SI: variants seen among roughly 807,000 people sequenced by gnomAD.
SI encodes the protein sucrase-isomaltase, intestinal.
A neutral mutation model predicts 253.3 loss-of-function variants in SI; 235 were observed. The observed-to-expected ratio is 0.93, with a 90% CI of 0.83 to 1.03. The LOEUF is 1.03. Among genes scored for constraint, SI ranks in the 50% least tolerant of loss-of-function variants. The pLI is 0.00. For synonymous variants in SI, 819 were observed against 712.0 expected (o/e 1.15, Z -2.39); for missense variants, 2,442 against 2,211.1 (o/e 1.10, Z -2.09).
At position 165,063,502 on chromosome 3, in the gene SI, A is replaced by C; in HGVS notation, c.847T>G (p.Cys283Gly). Residue 283 changes from cysteine to glycine, a missense_variant, in exon 8 of 48, where the codon TGT becomes GGT. Cys to Gly is a radical substitution (Grantham distance 159, BLOSUM62 -3). Transcript: ENST00000264382. ...NLYGHQTFFM[C>G]IEDTSGKSFG... ...GACTTTCCAGATGTATCTTCAATAC[A>C]CATAAAGAATGTTTGATGGCCGTAT... is the stretch of plus-strand genomic sequence containing the variant. The C allele has an allele frequency of 6.4e-7, 1 of 1,562,642 alleles. No homozygotes were observed. Among genetic ancestry groups the C allele is most frequent in the Non-Finnish European group, 8.8e-7 (1 of 1,139,510 alleles).
chr3:164,992,381 G>A lies in SI; in HGVS notation c.4858C>T (p.Pro1620Ser), dbSNP rs372177010. 6.2e-7 allele frequency: 1 copy of A among 1,610,456 alleles called. No individual in the cohort carries two copies. The highest frequency in any genetic ancestry group is 1.7e-5 in the Admixed American group (1 of 59,588). The change falls in exon 42 of 48, where the codon CCA (proline) becomes TCA (serine). Residue 1620 changes from proline (P) to serine (S), a missense_variant. Transcript: ENST00000264382. Reference protein sequence around the residue: ...PLLHEFFDEKPTWDIFKQFLW... With the variant: ...PLLHEFFDEKSTWDIFKQFLW... ...AACTGCTTGAATATATCCCAGGTTG[G>A]TTTTTCATCAAAGAACCTCGACAAA...
chr3:164,995,492 CAT>C (rs1308377751), intron 40 of SI, among the ~76,000 whole-genome samples: 2 of 151,874 alleles, frequency 1.3e-5, no homozygotes, highest in African/African-American at 4.8e-5. Context: ...TGTACCAACT[CAT>C]ATTTAAACTT....
intron 17 of SI, among the ~76,000 whole-genome samples, chr3:165,041,659 C>G (rs1712842570): frequency 6.6e-6 from 1 of 152,122 alleles, no homozygotes; most frequent in Admixed American, 6.6e-5. Flanking sequence ...AGCCTGTAGA[C>G]TTACAATTTG....
intron 44 of SI, among the ~76,000 whole-genome samples, chr3:164,988,528 C>T (rs1576868281): frequency 6.6e-6 from 1 of 152,216 alleles, no homozygotes; most frequent in East Asian, 1.9e-4. Context: ...CTCCATGAAG[C>T]CCTCACTTTT....
chr3:165,076,974 G>GTT (rs1234651334), intron 1 of SI, among the ~76,000 whole-genome samples: 1 of 137,008 alleles, frequency 7.3e-6, no homozygotes, highest in Non-Finnish European at 1.6e-5. Flanking sequence ...TAAAATCACG[G>GTT]TTTGTTTTTT....
At chr3:165,038,949 T>G (rs1712675890) in intron 20 of SI, 129 bp downstream of exon 20, 1 of 603,510 alleles carries the variant, frequency 1.7e-6, no homozygotes, top group African/African-American at 1.9e-5. Flanking sequence ...TTATTATTTT[T>G]TATAGTAATG....
chr3:165,013,030 A>C lies in SI; in HGVS notation c.4012T>G (p.Leu1338Val). The C allele has an allele frequency of 1.2e-6, 2 of 1,608,568 alleles. No homozygotes were observed. The highest frequency in any genetic ancestry group is 1.7e-6 in the Non-Finnish European group (2 of 1,175,150). Residue 1338 changes from leucine to valine, a missense_variant, in exon 34 of 48, where the codon TTG (leucine) becomes GTG (valine). Leu to Val is a conservative substitution (Grantham distance 32). Transcript: ENST00000264382. ...GTTTTATCTATTGTTATGTTGGGCA[A>C]ATCTGGCCAAACCTACAAGAGACAA... ...DICWAKVWPD[L>V]PNITIDKTLT...
At chr3:165,041,173 T>C in intron 17 of SI, 79 bp from the exon 18 acceptor site, 2 of 1,288,806 alleles carry the variant, frequency 1.6e-6, no homozygotes, top group South Asian at 1.2e-5. Flanking sequence ...TTAATCTGCT[T>C]TTTAAAGCAA....
At chr3:165,034,288 A>C (rs1163178124) in intron 22 of SI, among the ~76,000 whole-genome samples, 3 of 151,958 alleles carry the variant, frequency 2.0e-5, no homozygotes, top group African/African-American at 7.2e-5. Context: ...TGATTGAATT[A>C]TATTATTCAT....
intron 44 of SI, 136 bp downstream of exon 44, chr3:164,991,217 T>G (rs1717718574): frequency 1.1e-6 from 1 of 899,182 alleles, no homozygotes; most frequent in African/African-American, 1.6e-5. Context: ...GTCTCTGACC[T>G]GGCATTCATG....
intron 1 of SI, among the ~76,000 whole-genome samples, chr3:165,077,124 T>A (rs867283267): frequency 3.3e-5 from 5 of 151,582 alleles, no homozygotes; most frequent in South Asian, 2.1e-4. Context: ...CATCTGACTT[T>A]ATCTTCAAAG....
At position 164,982,146 on chromosome 3, in the gene SI, C is replaced by G. The variant is rs955094409; in HGVS notation, c.5415+97G>C. ...AATATATGAAGAATGTCATAATTGA[C>G]TCATAATTATGTTTCTTACAGATGA... On this transcript the variant is annotated intron_variant, in intron 47 of 47. Coordinates refer to ENST00000264382, the MANE Select transcript of SI (RefSeq NM_001041.4). 57 of 851,030 alleles carry G rather than the reference C, an allele frequency of 6.7e-5. 1 individual carries two copies. Among genetic ancestry groups the G allele is most frequent in the Middle Eastern group, 2.4e-4 (1 of 4,086 alleles). 52.7% of individuals were successfully genotyped at this position (851,030 alleles called of 1,614,324 possible).
intron 25 of SI, among the ~76,000 whole-genome samples, chr3:165,027,654 A>C (rs577435935): frequency 2.4e-4 from 37 of 151,678 alleles, no homozygotes; most frequent in Non-Finnish European, 4.4e-4. Flanking sequence ...GGATGGTTTC[A>C]CATATGCAAG....
chr3:165,086,879 C>A, the SI span, among the ~76,000 whole-genome samples: 1 of 152,120 alleles, frequency 6.6e-6, no homozygotes, highest in Non-Finnish European at 1.5e-5. Context: ...GCCAAAGGCA[C>A]AGGGGAATTT....
intron 25 of SI, among the ~76,000 whole-genome samples, chr3:165,024,713 A>G (rs1353963986): frequency 1.3e-5 from 2 of 151,302 alleles, no homozygotes; most frequent in Non-Finnish European, 3.0e-5. Flanking sequence ...TTTTAACAGC[A>G]TAAACTGATT....
At chr3:165,013,649 C>T (rs1040248623) in intron 33 of SI, among the ~76,000 whole-genome samples, 1 of 151,896 alleles carries the variant, frequency 6.6e-6, no homozygotes, top group Non-Finnish European at 1.5e-5. Flanking sequence ...AAATTTGGAT[C>T]TATATTGTAG....
intron 12 of SI, 58 bp downstream of exon 12, chr3:165,058,903 CTT>C (rs1421892754): frequency 2.1e-6 from 3 of 1,439,416 alleles, no homozygotes; most frequent in African/African-American, 2.8e-5. Flanking sequence ...TCCACAGAAA[CTT>C]TATTATTTCA....
At chr3:165,080,770 G>C (rs1576934188), upstream of SI, among the ~76,000 whole-genome samples, 1 of 151,970 alleles carries the variant, frequency 6.6e-6, no homozygotes, top group Non-Finnish European at 1.5e-5. Context: ...AGGAAGGGGG[G>C]AGGGATAGCA....
At chr3:164,999,117 T>C (rs926254353) in intron 37 of SI, among the ~76,000 whole-genome samples, 2 of 151,832 alleles carry the variant, frequency 1.3e-5, no homozygotes, top group African/African-American at 4.8e-5. Context: ...ACTATCATAC[T>C]CTTTGCTTTA....
Sources: gnomAD v4.1 joint callset for allele counts (sites outside exome capture counted in the v4.1 genomes callset) on GRCh38, gnomAD v4.1.1 for gene constraint, MANE v1.5 for transcripts, NCBI Gene and HGNC (gene_info 2026-07-23, HGNC 2026-07-21) for gene names.